SPTSSB: variants seen among roughly 807,000 people sequenced by gnomAD.
SPTSSB encodes the protein androgen down regulated in mouse prostate.
In SPTSSB, 6 loss-of-function variants were observed where a neutral mutation model predicts 7.7. The observed-to-expected ratio is 0.78, with a 90% confidence interval of 0.43 to 1.54. The LOEUF (loss-of-function observed/expected upper bound fraction) is 1.54. Ranked by LOEUF, SPTSSB falls within the 40% of genes most tolerant of loss-of-function variation. The pLI is 0.01. For synonymous variants in SPTSSB, 28 were observed against 29.7 expected, an observed-to-expected ratio of 0.94 and a Z score of 0.19; for missense variants, 91 against 93.0, an observed-to-expected ratio of 0.98 and a Z score of 0.09.
At chr3:161,367,578 A>G (rs1004261292) in intron 1 of SPTSSB, among the ~76,000 whole-genome samples, 1 of 152,250 alleles carries the variant, frequency 6.6e-6, no homozygotes, top group African/African-American at 2.4e-5. Context: ...AGGATCAGGC[A>G]GCTTGTGGGA....
intron 1 of SPTSSB, among the ~76,000 whole-genome samples, chr3:161,360,304 A>C (rs1264322228): frequency 6.6e-6 from 1 of 152,218 alleles, no homozygotes. Flanking sequence ...CTCTCTGAAT[A>C]TCCATGGGGG....
In SPTSSB at chr3:161,346,138, T is replaced by A. The variant is rs1714214190; in HGVS notation, c.186A>T (p.Glu62Asp). The A allele has an allele frequency of 6.2e-7, 1 of 1,610,902 alleles. No homozygotes were observed. The highest frequency in any genetic ancestry group is 1.7e-5 in the Admixed American group (1 of 59,990). Residue 62 changes from glutamate (E) to aspartate (D), a missense_variant, in exon 3 of 3, where the codon GAA becomes GAT. Glu to Asp is a conservative substitution (Grantham distance 45). Transcript: ENST00000620149. Reference sequence around the variant, plus strand: ...GATATCCACATATTTTTGAGAAAAATTCCCAAGCCAGGCGAATGTGGATTG... The same window carrying A: ...GATATCCACATATTTTTGAGAAAAAATCCCAAGCCAGGCGAATGTGGATTG... ...FIPIHIRLAW[E>D]FFSKICGYHS...
intron 1 of SPTSSB, among the ~76,000 whole-genome samples, chr3:161,363,529 C>T (rs1715097657): frequency 6.6e-6 from 1 of 151,690 alleles, no homozygotes; most frequent in Non-Finnish European, 1.5e-5. Context: ...GAAACCATAC[C>T]TGCTCTTATA....
chr3:161,345,124 A>G lies in SPTSSB; in HGVS notation c.*969T>C, dbSNP rs770081297. On this transcript the variant is annotated 3_prime_UTR_variant, in exon 3 of 3. Transcript: ENST00000620149. ...AAAACCTTATATTTGTTTTAAAGAT[A>G]AACAGTTTGAAGGAAATTTAATAAA... is the stretch of plus-strand genomic sequence containing the variant. 1 of 152,660 alleles carries G rather than the reference A, an allele frequency of 6.6e-6. No homozygotes were observed. Among genetic ancestry groups the G allele is most frequent in the Non-Finnish European group, 1.5e-5 (1 of 68,042 alleles). 9.5% of individuals were successfully genotyped at this position (152,660 alleles called of 1,614,324 possible). A position where few individuals can be genotyped will look rare whatever the true frequency, so the allele number is the denominator to read the frequency against.
chr3:161,370,907 C>G (rs754762931), intron 1 of SPTSSB, among the ~76,000 whole-genome samples: 2 of 152,330 alleles, frequency 1.3e-5, no homozygotes, highest in African/African-American at 4.8e-5. Flanking sequence ...TAAAGGATGA[C>G]TTAAGTATCT....
rs139406999 is a variant in SPTSSB at position 161,357,475 on chromosome 3, G to GTT, written c.-33+2326_-33+2327insAA. ...TGAGATAAAATGATTTACTCCCTCTGAATAAAGCTGGCTTGTTGTCAGGGC... is the reference window on the plus strand; with the variant it reads ...TGAGATAAAATGATTTACTCCCTCTGTTAATAAAGCTGGCTTGTTGTCAGGGC... On this transcript the variant is annotated intron_variant, in intron 2 of 2. Transcript: ENST00000620149. 1.4e-4 allele frequency among the ~76,000 whole-genome samples: 21 copies of GTT among 152,248 alleles called. No individual in the cohort carries two copies. The East Asian group carries it at 4.1e-3, about 29-fold the overall frequency.
chr3:161,370,160 T>A (rs1333270457), intron 1 of SPTSSB, among the ~76,000 whole-genome samples: 1 of 152,202 alleles, frequency 6.6e-6, no homozygotes, highest in African/African-American at 2.4e-5. Flanking sequence ...GCTGTACAAT[T>A]ATAAAGGGCA....
chr3:161,357,877 T>C (rs529999854), intron 2 of SPTSSB, among the ~76,000 whole-genome samples: 1 of 152,252 alleles, frequency 6.6e-6, no homozygotes, highest in East Asian at 1.9e-4. Context: ...AACACTTTGA[T>C]TGCAGACTTC....
Position 161,346,226 on chromosome 3 carries a change from A to G in SPTSSB, c.98T>C (p.Met33Thr), listed in dbSNP as rs763384009. Residue 33 changes from methionine to threonine, a missense_variant, in exon 3 of 3, where the codon ATG becomes ACG. By Grantham distance (81) the Met-to-Thr change is moderately conservative. Transcript: ENST00000620149. ...CAVLEPWERS[M>T]FNTILLTIIA... is the part of the protein sequence containing the mutation. ...AATGGTTAGTAAGATGGTGTTAAAC[A>G]TAGATCGCTCCCAGGGCTCTAAAAC... The G allele has an allele frequency of 6.2e-7, 1 of 1,613,818 alleles. No individual in the cohort carries two copies. The highest frequency in any genetic ancestry group is 1.3e-5 in the African/African-American group (1 of 75,056).
At chr3:161,351,597 CAG>C (rs536721506) in intron 2 of SPTSSB, among the ~76,000 whole-genome samples, 6 of 150,856 alleles carry the variant, frequency 4.0e-5, no homozygotes, top group Non-Finnish European at 3.0e-5. Flanking sequence ...CATACACACA[CAG>C]AGAGAGAGAG....
chr3:161,355,424 A>T (rs534157019), intron 2 of SPTSSB, among the ~76,000 whole-genome samples: 1 of 152,226 alleles, frequency 6.6e-6, no homozygotes, highest in East Asian at 1.9e-4. Flanking sequence ...AGCATTATTC[A>T]CAATAGTCAA....
At chr3:161,352,300 T>C (rs1364389830) in intron 2 of SPTSSB, among the ~76,000 whole-genome samples, 1 of 152,184 alleles carries the variant, frequency 6.6e-6, no homozygotes, top group Non-Finnish European at 1.5e-5. Flanking sequence ...TCATGCTCTT[T>C]TCTTTTCTTG....
intron 2 of SPTSSB, among the ~76,000 whole-genome samples, chr3:161,354,137 C>A (rs982679848): frequency 3.3e-5 from 5 of 152,122 alleles, no homozygotes; most frequent in Admixed American, 6.5e-5. Context: ...AAGAAACAAA[C>A]AATTGTAAGT....
chr3:161,353,482 C>T (rs1159641601), intron 2 of SPTSSB, among the ~76,000 whole-genome samples: 1 of 152,092 alleles, frequency 6.6e-6, no homozygotes, highest in African/African-American at 2.4e-5. Flanking sequence ...GGCTTCACTA[C>T]TTGAAAGGTA....
At chr3:161,356,378 G>A (rs916136721) in intron 2 of SPTSSB, among the ~76,000 whole-genome samples, 1 of 152,064 alleles carries the variant, frequency 6.6e-6, no homozygotes, top group Non-Finnish European at 1.5e-5. Context: ...TACATTTTAT[G>A]AATCTTCAGC....
chr3:161,349,865 C>A (rs899956049), intron 2 of SPTSSB, among the ~76,000 whole-genome samples: 8 of 152,176 alleles, frequency 5.3e-5, no homozygotes, highest in Admixed American at 1.3e-4. Flanking sequence ...CTGATTGTTA[C>A]TACTCTTTTA....
intron 1 of SPTSSB, among the ~76,000 whole-genome samples, chr3:161,360,614 A>C (rs896776599): frequency 1.3e-5 from 2 of 152,180 alleles, no homozygotes; most frequent in African/African-American, 2.4e-5. Flanking sequence ...AGATTTTTGC[A>C]CTTTGCCCTG....
Position 161,345,527 on chromosome 3 carries a change from T to C in SPTSSB, c.*566A>G, listed in dbSNP as rs1171828447. The C allele has an allele frequency of 6.5e-6, 1 of 152,698 alleles. No homozygotes were observed. Among genetic ancestry groups the C allele is most frequent in the African/African-American group, 2.4e-5 (1 of 41,440 alleles). The allele number at this position is 152,698 out of a possible 1,614,324, so 9.5% of individuals were successfully genotyped here. A position where few individuals can be genotyped will look rare whatever the true frequency, so the allele number is the denominator to read the frequency against. ...CATTTAAAACAATTCATGAACTCTGTATGAAAGGAAATAATTGCCTCCAGC... is the reference window on the plus strand; with the variant it reads ...CATTTAAAACAATTCATGAACTCTGCATGAAAGGAAATAATTGCCTCCAGC... On this transcript the variant is annotated 3_prime_UTR_variant, in exon 3 of 3. Transcript: ENST00000620149.
At chr3:161,369,292 TTCTTTCTTTCTTTCTTTCTTTCTC>T (rs1560108933) in intron 1 of SPTSSB, among the ~76,000 whole-genome samples, 34 of 80,740 alleles carry the variant, frequency 4.2e-4, no homozygotes, top group African/African-American at 2.0e-3. Context: ...TTTCTTTTCT[TTCTTTCTTTCTTTCTTTCTTTCTC>T]TTTCTTTCTT....
Sources: allele counts gnomAD v4.1 joint callset (sites outside exome capture counted in the v4.1 genomes callset), GRCh38; gene constraint gnomAD v4.1.1; transcripts MANE v1.5; gene names NCBI Gene and HGNC (gene_info 2026-07-23, HGNC 2026-07-21).